PPARA: variants seen among roughly 807,000 people sequenced by gnomAD.
PPARA encodes peroxisome proliferator-activated receptor alpha.
Under a neutral mutation model 42.2 loss-of-function variants are expected in PPARA, and 22 were observed. The observed-to-expected ratio is 0.52, with a 90% CI of 0.37 to 0.74. The LOEUF (loss-of-function observed/expected upper bound fraction) is 0.74, where lower values mean the gene tolerates loss of function less well. PPARA is among the 30% of genes least tolerant of loss of function. PPARA has a pLI of 0.00. For missense variants in PPARA, 465 were observed against 608.2 expected (o/e 0.76, Z 2.48); for synonymous variants, 242 against 239.3 (o/e 1.01, Z -0.10).
rs1416508000 is a variant in PPARA at position 46,239,868 on chromosome 22, CA to C, written c.*4491del. On this transcript the variant is annotated 3_prime_UTR_variant, in exon 9 of 9. Coordinates refer to ENST00000407236, the MANE Select transcript of PPARA (RefSeq NM_005036.6). ...ACTTCCCACCTCAAACTCCCATTTTCAAACCACTGTATCTCTGCGCACATCT... is the reference window on the plus strand; with the variant it reads ...ACTTCCCACCTCAAACTCCCATTTTCAACCACTGTATCTCTGCGCACATCT... 1 of 274,670 alleles carries C rather than the reference CA, an allele frequency of 3.6e-6. No individual in the cohort carries two copies. The highest frequency in any genetic ancestry group is 6.8e-6 in the Non-Finnish European group (1 of 148,022). The allele number at this position is 274,670 out of a possible 1,614,324, so 17.0% of individuals were successfully genotyped here.
intron 5 of PPARA, among the ~76,000 whole-genome samples, chr22:46,215,982 G>A (rs4253795): frequency 0.011 from 1,715 of 152,176 alleles, 18 homozygotes; most frequent in Non-Finnish European, 0.019. Flanking sequence ...CCATGAAACC[G>A]GTCCCTGGTG....
chr22:46,158,626 A>T (rs1388999818), intron 2 of PPARA, among the ~76,000 whole-genome samples: 1 of 152,236 alleles, frequency 6.6e-6, no homozygotes, highest in Admixed American at 6.5e-5. Context: ...CAATCAAGTG[A>T]CATGCAAATC....
chr22:46,215,247 A>G lies in PPARA; in HGVS notation c.283A>G (p.Ser95Gly). 1.1e-5 allele frequency: 17 copies of G among 1,614,110 alleles called. No homozygotes were observed. The highest frequency in any genetic ancestry group is 1.4e-5 in the Non-Finnish European group (16 of 1,180,024). Residue 95 changes from serine (S) to glycine (G), a missense_variant, in exon 5 of 9, where the codon AGT (serine) becomes GGT (glycine). Ser to Gly is a moderately conservative substitution (Grantham distance 56, BLOSUM62 0). Coordinates refer to ENST00000407236, the MANE Select transcript of PPARA (RefSeq NM_005036.6). ...VVPGSVDESPSGALNIECRIC... is the reference protein window; with the variant it reads ...VVPGSVDESPGGALNIECRIC... ...CCCCGGCAGCGTGGACGAGTCTCCC[A>G]GTGGAGCATTGAACATCGAATGTAG...
chr22:46,155,079 C>A (rs1192269151), intron 2 of PPARA: 1 of 143,948 alleles, frequency 6.9e-6, no homozygotes, highest in Admixed American at 7.1e-5. Flanking sequence ...TTGAAACATG[C>A]CAATTTTTCT....
chr22:46,190,930 C>A lies in PPARA; in HGVS notation c.-42-7412C>A, dbSNP rs989871074. ...AGGGGGCTGGGCACAGTGGCTCATG[C>A]CTGTAATCCCAGCACTTTGGGAGGC... On this transcript the variant is annotated intron_variant, in intron 3 of 8. Transcript: ENST00000407236. The surrounding 1 kb of genome is among the most constrained non-coding windows in gnomAD (Gnocchi z 5.6). Among the ~76,000 whole-genome samples, 1 of 152,148 alleles carries A rather than the reference C, an allele frequency of 6.6e-6. No individual in the cohort carries two copies. The highest frequency in any genetic ancestry group is 1.5e-5 in the Non-Finnish European group (1 of 68,032).
chr22:46,196,783 T>TGCG lies in PPARA; in HGVS notation c.-42-1558_-42-1556dup, dbSNP rs1932284702. On this transcript the variant is annotated intron_variant, in intron 3 of 8. Coordinates refer to ENST00000407236, the MANE Select transcript of PPARA (RefSeq NM_005036.6). The surrounding 1 kb of genome is among the most constrained non-coding windows in gnomAD (Gnocchi z 5.6). Reference sequence around the variant, plus strand: ...TGTCGCCCAGGCTGGTGTGCAGTGGTGCGACCTCAGCTCACCGCAACCTCC... The same window carrying TGCG: ...TGTCGCCCAGGCTGGTGTGCAGTGGTGCGGCGACCTCAGCTCACCGCAACCTCC... Among the ~76,000 whole-genome samples, 1 of 152,318 alleles carries TGCG rather than the reference T, an allele frequency of 6.6e-6. No homozygotes were observed. The highest frequency in any genetic ancestry group is 2.4e-5 in the African/African-American group (1 of 41,564).
At chr22:46,152,064 G>A (rs974235828) in intron 2 of PPARA, 94 bp downstream of exon 2, 1 of 151,506 alleles carries the variant, frequency 6.6e-6, no homozygotes, top group African/African-American at 2.4e-5. Context: ...CAATCTGGGG[G>A]TTATTACTTT....
At position 46,216,072 on chromosome 22, in the gene PPARA, C is replaced by T. The variant is rs781140535; in HGVS notation, c.369+739C>T. 2.6e-5 allele frequency among the ~76,000 whole-genome samples: 4 copies of T among 152,158 alleles called. No homozygotes were observed. The highest frequency in any genetic ancestry group is 5.9e-5 in the Non-Finnish European group (4 of 68,034). ...TGCTTTGTAAATACTTAGAGAAGTG[C>T]ATTCTTTAAAAGAAAATAAGTCACA... On this transcript the variant is annotated intron_variant, in intron 5 of 8. Transcript: ENST00000407236. This position sits in a 1 kb window ranked among gnomAD's most constrained non-coding sequence, Gnocchi z 4.5.
intron 4 of PPARA, among the ~76,000 whole-genome samples, chr22:46,202,013 C>A (rs1328473210): frequency 6.6e-6 from 1 of 152,152 alleles, no homozygotes; most frequent in Non-Finnish European, 1.5e-5. Flanking sequence ...TTCAGAGATA[C>A]ACTTTTTTCT....
rs1931793229 is a variant in PPARA, at chr22:46,193,181, C to A, written c.-42-5161C>A. The stretch of plus-strand genomic sequence containing the variant: ...TCCTGGGTTCAAGCGATCCTCCTGC[C>A]TCAGCCTCCCAAATAGCTGGGATTA... On this transcript the variant is annotated intron_variant, in intron 3 of 8. Transcript: ENST00000407236. This position sits in a 1 kb window ranked among gnomAD's most constrained non-coding sequence, Gnocchi z 5.3. Among the ~76,000 whole-genome samples the A allele has an allele frequency of 6.6e-6, 1 of 152,178 alleles. No individual in the cohort carries two copies. Among genetic ancestry groups the A allele is most frequent in the African/African-American group, 2.4e-5 (1 of 41,436 alleles).
rs1276797699 is a variant in PPARA, at chr22:46,165,968, C to T, written c.-126-10785C>T. 1.3e-5 allele frequency among the ~76,000 whole-genome samples: 2 copies of T among 151,854 alleles called. No individual in the cohort carries two copies. The highest frequency in any genetic ancestry group is 4.8e-5 in the African/African-American group (2 of 41,318). On this transcript the variant is annotated intron_variant, in intron 2 of 8. Transcript: ENST00000407236. This position sits in a 1 kb window ranked among gnomAD's most constrained non-coding sequence, Gnocchi z 5.5. ...TTGCTTGAGTCTGGGAGTTGGAGAC[C>T]GGCCTGGGCAACATAGAACCCCATC...
At position 46,231,595 on chromosome 22, in the gene PPARA, T is replaced by C. The variant is rs1355883301; in HGVS notation, c.712-197T>C. 1.3e-5 allele frequency among the ~76,000 whole-genome samples: 2 copies of C among 152,208 alleles called. No individual in the cohort carries two copies. The highest frequency in any genetic ancestry group is 2.9e-5 in the Non-Finnish European group (2 of 68,048). On this transcript the variant is annotated intron_variant, in intron 7 of 8. Coordinates refer to ENST00000407236, the MANE Select transcript of PPARA (RefSeq NM_005036.6). This position sits in a 1 kb window ranked among gnomAD's most constrained non-coding sequence, Gnocchi z 7.7. ...CTATTATTATTTTACTGATTTATAC[T>C]GTTTGTTCTCTATTAATGTCTTATT...
At chr22:46,169,230 G>T (rs540315487) in intron 2 of PPARA, among the ~76,000 whole-genome samples, 3 of 152,068 alleles carry the variant, frequency 2.0e-5, no homozygotes, top group Non-Finnish European at 4.4e-5. Flanking sequence ...GGCAACAAAT[G>T]TACCTCACCA....
At chr22:46,168,791 C>T (rs4253651) in intron 2 of PPARA, among the ~76,000 whole-genome samples, 8,208 of 151,912 alleles carry the variant, frequency 0.054, 342 homozygotes, top group African/African-American at 0.098. Flanking sequence ...ACCAAGTATG[C>T]GTAAGAATGT....
chr22:46,224,499 C>T lies in PPARA; in HGVS notation c.711+4485C>T, dbSNP rs1246919910. Among the ~76,000 whole-genome samples the T allele has an allele frequency of 1.3e-5, 2 of 152,204 alleles. No individual in the cohort carries two copies. The highest frequency in any genetic ancestry group is 2.9e-5 in the Non-Finnish European group (2 of 68,028). ...AGCAGCGGCCTGGAAACACCTTGAT[C>T]TCTGCCCAGTGGCCCACATGCGGTC... On this transcript the variant is annotated intron_variant, in intron 7 of 8. Coordinates refer to ENST00000407236, the MANE Select transcript of PPARA (RefSeq NM_005036.6). This position sits in a 1 kb window ranked among gnomAD's most constrained non-coding sequence, Gnocchi z 5.7.
chr22:46,216,361 C>T lies in PPARA; in HGVS notation c.369+1028C>T, dbSNP rs145954766. ...TCGAGCCATTTCACTCCAGCCTAGGCGACAAGAGTAAAACTTCATCTCAAA... is the reference window on the plus strand; with the variant it reads ...TCGAGCCATTTCACTCCAGCCTAGGTGACAAGAGTAAAACTTCATCTCAAA... On this transcript the variant is annotated intron_variant, in intron 5 of 8. Transcript: ENST00000407236. This position sits in a 1 kb window ranked among gnomAD's most constrained non-coding sequence, Gnocchi z 4.5. 1.3e-3 allele frequency among the ~76,000 whole-genome samples: 194 copies of T among 143,838 alleles called. 3 individuals carry two copies. The East Asian group carries it at 0.03, about 23-fold the overall frequency. The allele number at this position is 143,838 out of a possible 152,430, so 94.4% of individuals were successfully genotyped here. A position where few individuals can be genotyped will look rare whatever the true frequency, so the allele number is the denominator to read the frequency against.
intron 4 of PPARA, among the ~76,000 whole-genome samples, chr22:46,207,677 A>ATTTTTTTTTTTTTTTTTTT (rs764662561): frequency 3.9e-5 from 2 of 50,724 alleles, no homozygotes; most frequent in Non-Finnish European, 6.6e-5. Context: ...TATTATTATT[A>ATTTTTTTTTTTTTTTTTTT]TTTTTTTTTT....
chr22:46,152,795 T>G (rs978770676), intron 2 of PPARA, among the ~76,000 whole-genome samples: 1 of 152,160 alleles, frequency 6.6e-6, no homozygotes, highest in South Asian at 2.1e-4. Context: ...AAAAGTAAAC[T>G]AATTGGCAAG....
At chr22:46,177,047 A>G in intron 3 of PPARA, among the ~76,000 whole-genome samples, 1 of 152,088 alleles carries the variant, frequency 6.6e-6, no homozygotes, top group East Asian at 1.9e-4. Context: ...TGTCTCTACT[A>G]CAAATACAAA....
Sources: allele counts gnomAD v4.1 joint callset (sites outside exome capture counted in the v4.1 genomes callset), GRCh38; gene constraint gnomAD v4.1.1; non-coding constraint Gnocchi (gnomAD v3.1); transcripts MANE v1.5; gene names NCBI Gene and HGNC (gene_info 2026-07-23, HGNC 2026-07-21).